OSBP2: variants seen among roughly 807,000 people sequenced by gnomAD.
OSBP2 encodes the protein oxysterol-binding protein 2.
OSBP2 carries 66 observed loss-of-function variants against 96.0 expected under a neutral mutation model. The ratio of observed to expected loss-of-function variants is 0.69; its 90% CI spans 0.56 to 0.84. OSBP2 has a LOEUF of 0.84. Ranked by LOEUF, OSBP2 falls within the 40% of genes least tolerant of loss-of-function variation. The pLI is 0.00. For missense variants in OSBP2, 1,038 were observed against 1,222.7 expected (o/e 0.85, Z 2.25); for synonymous variants, 525 against 520.9 (o/e 1.01, Z -0.11).
intron 2 of OSBP2, among the ~76,000 whole-genome samples, chr22:30,781,965 G>A (rs1283635806): frequency 6.6e-6 from 1 of 152,136 alleles, no homozygotes; most frequent in Admixed American, 6.5e-5. Flanking sequence ...TGGCCAACAG[G>A]GTGAAACCCC....
At chr22:30,824,406 G>A (rs1040139556) in intron 2 of OSBP2, among the ~76,000 whole-genome samples, 5 of 152,178 alleles carry the variant, frequency 3.3e-5, no homozygotes, top group African/African-American at 4.8e-5. Context: ...CCCTAGGGGG[G>A]AATACGGGAG....
At chr22:30,756,932 C>T (rs1175800681) in intron 2 of OSBP2, among the ~76,000 whole-genome samples, 1 of 152,078 alleles carries the variant, frequency 6.6e-6, no homozygotes, top group Non-Finnish European at 1.5e-5. Context: ...TGCAGTGACC[C>T]TCCCAGCCAT....
intron 2 of OSBP2, among the ~76,000 whole-genome samples, chr22:30,813,807 T>C (rs1237539783): frequency 6.9e-6 from 1 of 145,146 alleles, no homozygotes; most frequent in African/African-American, 2.8e-5. Flanking sequence ...TGACTTTTTT[T>C]CTTTTTTTTT....
At chr22:30,735,236 T>A (rs1378576885) in intron 1 of OSBP2, among the ~76,000 whole-genome samples, 1 of 152,060 alleles carries the variant, frequency 6.6e-6, no homozygotes, top group Non-Finnish European at 1.5e-5. Context: ...CTAACTAGAA[T>A]GAGTAAAGGA....
At chr22:30,719,945 G>A (rs2089522340) in intron 1 of OSBP2, among the ~76,000 whole-genome samples, 1 of 152,044 alleles carries the variant, frequency 6.6e-6, no homozygotes, top group Non-Finnish European at 1.5e-5. Context: ...TCTTCCCATA[G>A]CATCTCAACC....
chr22:30,751,363 CT>C (rs943969514), intron 2 of OSBP2, among the ~76,000 whole-genome samples: 1 of 150,354 alleles, frequency 6.7e-6, no homozygotes, highest in South Asian at 2.1e-4. Flanking sequence ...ATATTTTTTT[CT>C]TTTTTCTTGA....
In OSBP2 at chr22:30,695,399, G is replaced by T; in HGVS notation, c.490G>T (p.Val164Phe). The T allele has an allele frequency of 1.2e-6, 2 of 1,613,902 alleles. No homozygotes were observed. Among genetic ancestry groups the T allele is most frequent in the Non-Finnish European group, 1.7e-6 (2 of 1,180,044 alleles). The change falls in exon 1 of 14, where the codon GTT becomes TTT. Residue 164 changes from valine (V) to phenylalanine (F), a missense_variant. Coordinates refer to ENST00000332585, the MANE Select transcript of OSBP2 (RefSeq NM_030758.4). Reference sequence around the variant, plus strand: ...AGGACAGGCGAAGACTCCTCTTGGGGTTCCAATGTCGGGGACTGGCACGAC... The same window carrying T: ...AGGACAGGCGAAGACTCCTCTTGGGTTTCCAATGTCGGGGACTGGCACGAC... ...RPGQAKTPLG[V>F]PMSGTGTTSS...
At chr22:30,878,996 G>A (rs1040783303) in intron 3 of OSBP2, among the ~76,000 whole-genome samples, 2 of 152,210 alleles carry the variant, frequency 1.3e-5, no homozygotes, top group Non-Finnish European at 2.9e-5. Context: ...AGGGTCACAG[G>A]AACAGAGACA....
intron 2 of OSBP2, among the ~76,000 whole-genome samples, chr22:30,774,477 T>C (rs2090402202): frequency 6.6e-6 from 1 of 152,220 alleles, no homozygotes; most frequent in South Asian, 2.1e-4. Context: ...CGCCACCACC[T>C]TGGGGCCCTT....
At chr22:30,873,687 C>T (rs1173034470) in intron 3 of OSBP2, among the ~76,000 whole-genome samples, 1 of 152,180 alleles carries the variant, frequency 6.6e-6, no homozygotes, top group Non-Finnish European at 1.5e-5. Flanking sequence ...TCTCTACTGC[C>T]ACTGGCTCCT....
chr22:30,727,969 G>A (rs2089679381), intron 1 of OSBP2, among the ~76,000 whole-genome samples: 1 of 151,780 alleles, frequency 6.6e-6, no homozygotes, highest in Non-Finnish European at 1.5e-5. Flanking sequence ...GCTGGGTGTG[G>A]TGGTGCGTGT....
intron 2 of OSBP2, among the ~76,000 whole-genome samples, chr22:30,804,345 T>C (rs1478216040): frequency 6.6e-6 from 1 of 152,206 alleles, no homozygotes; most frequent in East Asian, 1.9e-4. Flanking sequence ...GACAGGTTCA[T>C]TGCTGGAGGA....
intron 12 of OSBP2, among the ~76,000 whole-genome samples, chr22:30,898,862 TTAATAATAATAA>T (rs35162134): frequency 1.4e-5 from 2 of 146,576 alleles, no homozygotes; most frequent in African/African-American, 5.0e-5. Context: ...CATCTTTATA[TTAATAATAATAA>T]TAATAATAAT....
chr22:30,754,427 G>A (rs1296341416), intron 2 of OSBP2, among the ~76,000 whole-genome samples: 2 of 152,208 alleles, frequency 1.3e-5, no homozygotes, highest in Admixed American at 1.3e-4. Context: ...GGAACTCAGA[G>A]ATGAACAGGC....
intron 2 of OSBP2, among the ~76,000 whole-genome samples, chr22:30,775,214 C>G (rs2090414514): frequency 6.6e-6 from 1 of 152,174 alleles, no homozygotes; most frequent in Non-Finnish European, 1.5e-5. Flanking sequence ...CTCTCTCAGC[C>G]TGTGGCAACC....
Position 30,889,196 on chromosome 22 carries a change from A to T in OSBP2, c.1438A>T (p.Thr480Ser), listed in dbSNP as rs1476191788. 1 of 1,613,442 alleles carries T rather than the reference A, an allele frequency of 6.2e-7. No homozygotes were observed. The highest frequency in any genetic ancestry group is 8.5e-7 in the Non-Finnish European group (1 of 1,179,870). ...TTCCAGCAGAAAAGCTGAAGGTAGC[A>T]CCGGGACAAGTTCCGTGGACTGGAG... ...KEDSRKAEGS[T>S]GTSSVDWSSA... The change falls in exon 6 of 14, where the codon ACC (threonine) becomes TCC (serine). Residue 480 changes from threonine (T) to serine (S), a missense_variant. Around this residue, in one of 3 missense-constraint regions of OSBP2, gnomAD observed 737 missense variants for 913.3 expected, o/e 0.81. Coordinates refer to ENST00000332585, the MANE Select transcript of OSBP2 (RefSeq NM_030758.4).
intron 2 of OSBP2, among the ~76,000 whole-genome samples, chr22:30,862,958 G>C (rs1161509076): frequency 3.8e-5 from 4 of 104,818 alleles, no homozygotes; most frequent in Non-Finnish European, 7.7e-5. Flanking sequence ...GGGTGACTCT[G>C]TCTCAAAAAA....
At position 30,899,095 on chromosome 22, in the gene OSBP2, C is replaced by T. The variant is rs5749191; in HGVS notation, c.2375+5094C>T. ...CTTAGAAAAATATAACAAGAACTAA[C>T]TCTAGCTGGGCACAGTGGCTCATGC... On this transcript the variant is annotated intron_variant, in intron 12 of 13. Coordinates refer to ENST00000332585, the MANE Select transcript of OSBP2 (RefSeq NM_030758.4). Among the ~76,000 whole-genome samples, 5,497 of 151,972 alleles carry T rather than the reference C, an allele frequency of 0.036. 552 individuals are homozygous for T. In the East Asian group the frequency reaches 0.38, roughly 11 times the overall value.
At chr22:30,885,540 T>C (rs187030898) in intron 3 of OSBP2, among the ~76,000 whole-genome samples, 2 of 152,218 alleles carry the variant, frequency 1.3e-5, no homozygotes, top group Non-Finnish European at 2.9e-5. Context: ...AAAGCAGTTA[T>C]GTGATTCAGA....
Sources: gnomAD v4.1 joint callset for allele counts (sites outside exome capture counted in the v4.1 genomes callset) on GRCh38, gnomAD v4.1.1 for gene constraint, gnomAD v4.1.1 regional missense constraint, MANE v1.5 for transcripts, NCBI Gene and HGNC (gene_info 2026-07-23, HGNC 2026-07-21) for gene names.